Variants in LHFPL3 observed in about 807,000 individuals in gnomAD.
The protein encoded by LHFPL3 is LHFPL tetraspan subfamily member 3, also known as LHFPL tetraspan subfamily member 3 protein.
In LHFPL3, 5 loss-of-function variants were observed where a neutral mutation model predicts 19.3. That is an observed-to-expected ratio of 0.26 (90% CI 0.14 to 0.54). The LOEUF (loss-of-function observed/expected upper bound fraction) is 0.54, where lower values mean the gene tolerates loss of function less well. Among genes scored for constraint, LHFPL3 ranks in the 20% least tolerant of loss-of-function variants. The pLI is 0.94. For missense variants in LHFPL3, 249 were observed against 307.4 expected (o/e 0.81, Z 1.42); for synonymous variants, 133 against 126.2 (o/e 1.05, Z -0.36).
intron 1 of LHFPL3, among the ~76,000 whole-genome samples, chr7:104,407,432 A>T (rs113812446): frequency 6.6e-5 from 10 of 152,134 alleles, no homozygotes; most frequent in African/African-American, 2.2e-4. Context: ...CAAGGTGGGC[A>T]GATCACCTGA....
chr7:104,418,551 T>TA (rs771208575), intron 1 of LHFPL3, among the ~76,000 whole-genome samples: 41 of 152,074 alleles, frequency 2.7e-4, no homozygotes, highest in Non-Finnish European at 4.7e-4. Flanking sequence ...ACAAACAATT[T>TA]AAAAAATGGG....
chr7:104,755,318 A>C (rs1794261709), intron 2 of LHFPL3, among the ~76,000 whole-genome samples: 1 of 152,124 alleles, frequency 6.6e-6, no homozygotes. Context: ...CCCCATACAC[A>C]GGGGAAAAGC....
At chr7:104,449,928 A>G (rs954224632) in intron 1 of LHFPL3, among the ~76,000 whole-genome samples, 2 of 152,190 alleles carry the variant, frequency 1.3e-5, no homozygotes, top group African/African-American at 4.8e-5. Flanking sequence ...TTGGTGACAC[A>G]TGAAGAGGTC....
chr7:104,870,378 C>T (rs888483630), intron 2 of LHFPL3, among the ~76,000 whole-genome samples: 2 of 152,186 alleles, frequency 1.3e-5, no homozygotes, highest in African/African-American at 4.8e-5. Context: ...AACTCTGTGA[C>T]CACAGGCTGT....
At chr7:104,884,993 G>C (rs1792122854) in intron 2 of LHFPL3, among the ~76,000 whole-genome samples, 1 of 152,174 alleles carries the variant, frequency 6.6e-6, no homozygotes, top group South Asian at 2.1e-4. Context: ...AGGGGAGAGG[G>C]AAGAGGAGAG....
At chr7:104,485,144 T>C (rs1311184733) in intron 1 of LHFPL3, among the ~76,000 whole-genome samples, 2 of 152,194 alleles carry the variant, frequency 1.3e-5, no homozygotes, top group Non-Finnish European at 1.5e-5. Flanking sequence ...TTTAAAAATA[T>C]ACAGTGAAAA....
chr7:104,712,813 C>G (rs1424927404), intron 1 of LHFPL3, among the ~76,000 whole-genome samples: 1 of 152,138 alleles, frequency 6.6e-6, no homozygotes, highest in Admixed American at 6.5e-5. Flanking sequence ...ATAGCAGCAA[C>G]AGAAAATTAA....
chr7:104,580,674 C>A lies in LHFPL3; in HGVS notation c.446-156001C>A, dbSNP rs902423549. ...TAAAGATATAGAACATTTCCATCAC[C>A]CCAGAAAATTCCTCATACTCATCGC... On this transcript the variant is annotated intron_variant, in intron 1 of 2. Transcript: ENST00000424859. 4.6e-5 allele frequency among the ~76,000 whole-genome samples: 7 copies of A among 152,116 alleles called. 1 individual carries two copies. In the Middle Eastern group the frequency reaches 0.01, roughly 222 times the overall value.
At chr7:104,722,096 T>G (rs1584496939) in intron 1 of LHFPL3, among the ~76,000 whole-genome samples, 1 of 152,158 alleles carries the variant, frequency 6.6e-6, no homozygotes, top group African/African-American at 2.4e-5. Flanking sequence ...TGTTATTTAT[T>G]TTTCTGAAAC....
chr7:104,618,624 G>A (rs1548937), intron 1 of LHFPL3, among the ~76,000 whole-genome samples: 137,898 of 152,024 alleles, frequency 0.91, 62,989 homozygotes, highest in Non-Finnish European at 0.96. Context: ...TCTTATTTGG[G>A]TTATGTCATA....
chr7:104,414,792 G>C (rs1445094789), intron 1 of LHFPL3, among the ~76,000 whole-genome samples: 4 of 152,274 alleles, frequency 2.6e-5, no homozygotes, highest in African/African-American at 9.6e-5. Flanking sequence ...CAGTTTTGAA[G>C]GTTGAATTCT....
chr7:104,768,694 C>T (rs936604336), intron 2 of LHFPL3: 8 of 152,152 alleles, frequency 5.3e-5, no homozygotes, highest in African/African-American at 1.9e-4. Flanking sequence ...CTTTTATTTC[C>T]AGGAACAGAA....
At chr7:104,617,891 A>T (rs1019346370) in intron 1 of LHFPL3, among the ~76,000 whole-genome samples, 1 of 152,230 alleles carries the variant, frequency 6.6e-6, no homozygotes, top group African/African-American at 2.4e-5. Context: ...GCTACCAAGT[A>T]ATAGAAAACC....
intron 1 of LHFPL3, among the ~76,000 whole-genome samples, chr7:104,509,692 C>T (rs1480659286): frequency 6.6e-6 from 1 of 152,038 alleles, no homozygotes; most frequent in Non-Finnish European, 1.5e-5. Flanking sequence ...AGGATGTCTA[C>T]TCTCACCACC....
intron 2 of LHFPL3, among the ~76,000 whole-genome samples, chr7:104,856,133 G>T (rs1791501303): frequency 6.6e-6 from 1 of 152,040 alleles, no homozygotes; most frequent in Non-Finnish European, 1.5e-5. Context: ...GTTTCTCAAA[G>T]GAGGCCTGTC....
At chr7:104,716,886 C>A (rs190110457) in intron 1 of LHFPL3, among the ~76,000 whole-genome samples, 116 of 152,214 alleles carry the variant, frequency 7.6e-4, no homozygotes, top group African/African-American at 2.7e-3. Flanking sequence ...TAAGAAAGAA[C>A]AAAACTGGAG....
In LHFPL3 at chr7:104,729,791, A is replaced by C. The variant is rs1248520860; in HGVS notation, c.446-6884A>C. Among the ~76,000 whole-genome samples, 5 of 152,258 alleles carry C rather than the reference A, an allele frequency of 3.3e-5. No homozygotes were observed. The East Asian group carries it at 7.7e-4, about 23-fold the overall frequency. On this transcript the variant is annotated intron_variant, in intron 1 of 2. Transcript: ENST00000424859. ...TTTAAGTTCTAGGGTACATGTGCAC[A>C]ACATGCAGATTTGTTACATATGTAT... is the stretch of plus-strand genomic sequence containing the variant.
At chr7:104,851,775 A>G (rs1791418866) in intron 2 of LHFPL3, among the ~76,000 whole-genome samples, 1 of 152,094 alleles carries the variant, frequency 6.6e-6, no homozygotes, top group Non-Finnish European at 1.5e-5. Flanking sequence ...GACAAGAGCA[A>G]AGTAAGAGAC....
chr7:104,641,238 G>T (rs1791827099), intron 1 of LHFPL3, among the ~76,000 whole-genome samples: 1 of 152,188 alleles, frequency 6.6e-6, no homozygotes, highest in Admixed American at 6.5e-5. Flanking sequence ...CATTACTTTT[G>T]CATCACCAGC....
Sources: gnomAD v4.1 joint callset for allele counts (sites outside exome capture counted in the v4.1 genomes callset) on GRCh38, gnomAD v4.1.1 for gene constraint, MANE v1.5 for transcripts, NCBI Gene and HGNC (gene_info 2026-07-23, HGNC 2026-07-21) for gene names.